FAM227B: variants seen among roughly 807,000 people sequenced by gnomAD.
The protein encoded by FAM227B is protein FAM227B.
FAM227B carries 88 observed loss-of-function variants against 73.8 expected under a neutral mutation model. The observed-to-expected ratio is 1.19, with a 90% CI of 1.00 to 1.42. FAM227B has a LOEUF of 1.42. FAM227B is among the 40% of genes most tolerant of loss of function. The probability of loss-of-function intolerance (pLI) is 0.00; values close to 1 mark genes in which losing one functional copy is unlikely to be tolerated. For synonymous variants in FAM227B, 210 were observed against 190.5 expected (o/e 1.10, Z -0.84); for missense variants, 632 against 590.9 (o/e 1.07, Z -0.72).
intron 10 of FAM227B, among the ~76,000 whole-genome samples, chr15:49,518,849 C>T (rs2059575377): frequency 6.6e-6 from 1 of 152,174 alleles, no homozygotes; most frequent in Non-Finnish European, 1.5e-5. Context: ...CAATCATGCC[C>T]TTGCAACAGT....
At chr15:49,527,095 A>G (rs1010771143) in intron 10 of FAM227B, among the ~76,000 whole-genome samples, 3 of 151,924 alleles carry the variant, frequency 2.0e-5, no homozygotes, top group Non-Finnish European at 4.4e-5. Context: ...AAAGAAAACT[A>G]CAGTTCAATA....
chr15:49,390,934 T>C (rs555855583), intron 11 of FAM227B, among the ~76,000 whole-genome samples: 8 of 151,928 alleles, frequency 5.3e-5, no homozygotes, highest in Non-Finnish European at 1.2e-4. Flanking sequence ...GGTATCTCCA[T>C]TGGAAAGAAC....
chr15:49,342,589 C>A (rs1034568909), intron 13 of FAM227B, among the ~76,000 whole-genome samples: 3 of 152,026 alleles, frequency 2.0e-5, no homozygotes, highest in African/African-American at 7.2e-5. Flanking sequence ...TAGCTGGTTG[C>A]TTTGTAGTTT....
intron 15 of FAM227B, 103 bp downstream of exon 15, chr15:49,331,677 G>A: frequency 4.2e-6 from 3 of 720,394 alleles, no homozygotes; most frequent in East Asian, 2.6e-5. Flanking sequence ...TCCTGCCACT[G>A]TAATTTGGGT....
intron 11 of FAM227B, among the ~76,000 whole-genome samples, chr15:49,458,611 A>T (rs185815747): frequency 1.3e-5 from 2 of 152,272 alleles, no homozygotes; most frequent in East Asian, 3.9e-4. Flanking sequence ...TATAGAAATC[A>T]GAGGGAACTT....
chr15:49,388,346 A>C (rs1314351742), intron 11 of FAM227B, among the ~76,000 whole-genome samples: 1 of 151,892 alleles, frequency 6.6e-6, no homozygotes, highest in African/African-American at 2.4e-5. Context: ...CAGCCAACTG[A>C]CCTTCAATAA....
At chr15:49,489,346 G>A in intron 11 of FAM227B, 2 of 983,382 alleles carry the variant, frequency 2.0e-6, no homozygotes, top group African/African-American at 3.5e-5. Context: ...TATTCTCTGT[G>A]GAAACATTCT....
At chr15:49,401,222 T>C (rs1170456484) in intron 11 of FAM227B, among the ~76,000 whole-genome samples, 1 of 152,242 alleles carries the variant, frequency 6.6e-6, no homozygotes. Context: ...AAAGAAGACA[T>C]TTATGCAGCC....
rs144320247 is a variant in FAM227B, at chr15:49,394,210, G to C, written c.1013-22811C>G. ...TGATACCATCAACACCAGTTCATAGGATAATTGGAGGAGTAAATGAAGATA... is the reference window on the plus strand; with the variant it reads ...TGATACCATCAACACCAGTTCATAGCATAATTGGAGGAGTAAATGAAGATA... On this transcript the variant is annotated intron_variant, in intron 11 of 15. Coordinates refer to ENST00000299338, the MANE Select transcript of FAM227B (RefSeq NM_152647.3). Among the ~76,000 whole-genome samples the C allele has an allele frequency of 1.4e-4, 22 of 152,234 alleles. No homozygotes were observed. The East Asian group carries it at 4.2e-3, about 29-fold the overall frequency.
chr15:49,430,025 T>C (rs2050456807), intron 11 of FAM227B, among the ~76,000 whole-genome samples: 1 of 152,018 alleles, frequency 6.6e-6, no homozygotes, highest in African/African-American at 2.4e-5. Context: ...ACTTGAACCC[T>C]AGAGGATTTT....
intron 11 of FAM227B, among the ~76,000 whole-genome samples, chr15:49,443,788 A>G (rs1275083437): frequency 6.6e-6 from 1 of 151,720 alleles, no homozygotes; most frequent in Non-Finnish European, 1.5e-5. Context: ...CTTCAGAGAA[A>G]AACAGAAATA....
chr15:49,535,231 A>G (rs998551948), intron 10 of FAM227B, among the ~76,000 whole-genome samples: 3 of 151,744 alleles, frequency 2.0e-5, no homozygotes, highest in African/African-American at 7.2e-5. Context: ...AATAAAAAGG[A>G]AAGTGGAGAC....
rs530033609 is a variant in FAM227B at position 49,584,875 on chromosome 15, A to C, written c.405+3141T>G. Among the ~76,000 whole-genome samples, 134 of 152,256 alleles carry C rather than the reference A, an allele frequency of 8.8e-4. 5 individuals are homozygous for C. In the South Asian group the frequency reaches 0.027, roughly 30 times the overall value. ...TTAAACTAAAGAGCTTCTGCACAGCAAAAGAAACTACCATCAGAGTGAACA... is the reference window on the plus strand; with the variant it reads ...TTAAACTAAAGAGCTTCTGCACAGCCAAAGAAACTACCATCAGAGTGAACA... On this transcript the variant is annotated intron_variant, in intron 5 of 15. Transcript: ENST00000299338.
intron 3 of FAM227B, among the ~76,000 whole-genome samples, chr15:49,598,822 T>C (rs1362579628): frequency 6.6e-6 from 1 of 152,104 alleles, no homozygotes; most frequent in Non-Finnish European, 1.5e-5. Flanking sequence ...TATATGATCC[T>C]TTTAATGTAC....
intron 3 of FAM227B, among the ~76,000 whole-genome samples, chr15:49,601,685 C>T (rs186253203): frequency 1.2e-3 from 183 of 152,252 alleles, no homozygotes; most frequent in Non-Finnish European, 2.2e-3. Flanking sequence ...ACAATTCAAT[C>T]ATTATTGACT....
chr15:49,355,829 G>A (rs1042535941), intron 13 of FAM227B, among the ~76,000 whole-genome samples: 14 of 152,092 alleles, frequency 9.2e-5, no homozygotes, highest in Non-Finnish European at 1.5e-4. Context: ...AATGTTAAGG[G>A]CAGCTAGAGA....
intron 11 of FAM227B, among the ~76,000 whole-genome samples, chr15:49,466,013 G>C (rs2054237854): frequency 1.3e-5 from 2 of 152,092 alleles, no homozygotes; most frequent in South Asian, 4.1e-4. Flanking sequence ...TTAAAAACAG[G>C]CAAAATTTAT....
At chr15:49,606,772 A>C (rs1452020469) in intron 3 of FAM227B, among the ~76,000 whole-genome samples, 4 of 152,210 alleles carry the variant, frequency 2.6e-5, no homozygotes. Context: ...TGTTTTGGCC[A>C]CCAGATGGCT....
At chr15:49,384,756 A>C (rs1050401637) in intron 11 of FAM227B, among the ~76,000 whole-genome samples, 1 of 152,010 alleles carries the variant, frequency 6.6e-6, no homozygotes, top group East Asian at 1.9e-4. Context: ...CAAGATTTAA[A>C]ATGACAACAA....
Sources: gnomAD v4.1 joint callset for allele counts (sites outside exome capture counted in the v4.1 genomes callset) on GRCh38, gnomAD v4.1.1 for gene constraint, MANE v1.5 for transcripts, NCBI Gene and HGNC (gene_info 2026-07-23, HGNC 2026-07-21) for gene names.